LRMDA: variants seen among roughly 807,000 people sequenced by gnomAD.
The protein encoded by LRMDA is leucine-rich melanocyte differentiation-associated protein.
Under a neutral mutation model 29.8 loss-of-function variants are expected in LRMDA, and 18 were observed. The observed-to-expected ratio is 0.60, with a 90% CI of 0.42 to 0.90. The LOEUF (loss-of-function observed/expected upper bound fraction) is 0.90, where lower values mean the gene tolerates loss of function less well. Among genes scored for constraint, LRMDA ranks in the 40% least tolerant of loss-of-function variants. The pLI is 0.00. For synonymous variants in LRMDA, 125 were observed against 109.4 expected, an observed-to-expected ratio of 1.14 and a Z score of -0.89; for missense variants, 273 against 273.9, an observed-to-expected ratio of 1.00 and a Z score of 0.02.
chr10:75,847,289 A>C (rs1466845954), intron 2 of LRMDA, among the ~76,000 whole-genome samples: 2 of 152,204 alleles, frequency 1.3e-5, no homozygotes, highest in Non-Finnish European at 2.9e-5. Flanking sequence ...ATGTTGGCAA[A>C]AGTGGATAAC....
chr10:75,611,890 T>C (rs1841036886), intron 2 of LRMDA, among the ~76,000 whole-genome samples: 1 of 152,158 alleles, frequency 6.6e-6, no homozygotes. Context: ...CAAAAGGAGA[T>C]TTCCTCTTGC....
chr10:76,321,693 C>T (rs574571888), intron 5 of LRMDA, among the ~76,000 whole-genome samples: 1 of 152,126 alleles, frequency 6.6e-6, no homozygotes, highest in South Asian at 2.1e-4. Flanking sequence ...GCCTGTAATC[C>T]CAGCCCTTTT....
intron 2 of LRMDA, among the ~76,000 whole-genome samples, chr10:75,603,701 C>A (rs1840917242): frequency 1.3e-5 from 2 of 152,116 alleles, no homozygotes; most frequent in African/African-American, 4.8e-5. Flanking sequence ...ATTCTTGGGG[C>A]TCTAGATAAA....
intron 2 of LRMDA, among the ~76,000 whole-genome samples, chr10:75,543,682 T>A (rs1343055438): frequency 1.3e-5 from 2 of 152,238 alleles, no homozygotes; most frequent in Non-Finnish European, 2.9e-5. Context: ...TTCATGTTTT[T>A]TAAATTCTCC....
chr10:75,675,821 A>G (rs1048450287), intron 2 of LRMDA, among the ~76,000 whole-genome samples: 4 of 152,074 alleles, frequency 2.6e-5, no homozygotes, highest in Non-Finnish European at 5.9e-5. Context: ...ATTTTGTATA[A>G]GCCTCCTTGG....
At chr10:75,458,343 G>T (rs78165813) in intron 2 of LRMDA, among the ~76,000 whole-genome samples, 10,651 of 152,134 alleles carry the variant, frequency 0.07, 484 homozygotes, top group Middle Eastern at 0.12. Context: ...CTCTGTGGGG[G>T]GTCTACTTCC....
chr10:76,232,658 C>T (rs114377400), intron 5 of LRMDA, among the ~76,000 whole-genome samples: 1,588 of 152,278 alleles, frequency 0.01, 27 homozygotes, highest in African/African-American at 0.032. Context: ...CTGTAGGAGA[C>T]GGCCTAAGTC....
chr10:76,422,190 G>C (rs1248230518), intron 6 of LRMDA, among the ~76,000 whole-genome samples: 3 of 151,916 alleles, frequency 2.0e-5, no homozygotes, highest in Non-Finnish European at 2.9e-5. Context: ...CAGCTACTCA[G>C]CCTCTTCATT....
At chr10:76,052,476 G>A (rs994120733) in intron 4 of LRMDA, among the ~76,000 whole-genome samples, 3 of 152,158 alleles carry the variant, frequency 2.0e-5, no homozygotes, top group Admixed American at 1.3e-4. Context: ...GTTACAGGCA[G>A]GGGGAAAGAA....
intron 2 of LRMDA, among the ~76,000 whole-genome samples, chr10:75,554,866 T>C (rs1256584855): frequency 1.3e-5 from 2 of 152,364 alleles, no homozygotes; most frequent in East Asian, 1.9e-4. Flanking sequence ...AAATGAAGTA[T>C]GTAATGTGTC....
chr10:75,830,248 CA>C (rs1485589527), intron 2 of LRMDA, among the ~76,000 whole-genome samples: 1 of 152,162 alleles, frequency 6.6e-6, no homozygotes, highest in Non-Finnish European at 1.5e-5. Flanking sequence ...GGTCATTTCG[CA>C]TTATTCTGCT....
chr10:76,459,759 T>C (rs1842493349), intron 6 of LRMDA, among the ~76,000 whole-genome samples: 2 of 152,196 alleles, frequency 1.3e-5, no homozygotes, highest in Non-Finnish European at 2.9e-5. Context: ...ATTTTCCTTT[T>C]GGGCTTTTGT....
At chr10:75,577,648 G>T (rs926893431) in intron 2 of LRMDA, among the ~76,000 whole-genome samples, 3 of 152,274 alleles carry the variant, frequency 2.0e-5, no homozygotes, top group South Asian at 4.2e-4. Flanking sequence ...GAAAGGTCGG[G>T]TTACCCACAA....
intron 6 of LRMDA, among the ~76,000 whole-genome samples, chr10:76,488,508 T>A (rs901883989): frequency 1.3e-5 from 2 of 151,918 alleles, no homozygotes; most frequent in Admixed American, 1.3e-4. Flanking sequence ...TTAAAAATAT[T>A]ATTGCTGACA....
chr10:76,314,298 C>T (rs2132382801), intron 5 of LRMDA, among the ~76,000 whole-genome samples: 1 of 152,292 alleles, frequency 6.6e-6, no homozygotes, highest in Non-Finnish European at 1.5e-5. Flanking sequence ...TCTCCAACTC[C>T]TGGGCTCAAG....
intron 5 of LRMDA, among the ~76,000 whole-genome samples, chr10:76,210,851 C>T (rs748245151): frequency 7.9e-5 from 12 of 152,234 alleles, no homozygotes; most frequent in South Asian, 2.1e-4. Context: ...GACTCCACTG[C>T]GTATGTGTGT....
At chr10:76,014,150 A>ATATATATATAAT (rs1554840738) in intron 2 of LRMDA, among the ~76,000 whole-genome samples, 2 of 142,058 alleles carry the variant, frequency 1.4e-5, no homozygotes, top group Non-Finnish European at 3.0e-5. Context: ...ATATAATTAT[A>ATATATATATAAT]TATATATATA....
At chr10:75,795,663 G>A (rs1173290165) in intron 2 of LRMDA, among the ~76,000 whole-genome samples, 1 of 152,088 alleles carries the variant, frequency 6.6e-6, no homozygotes, top group Non-Finnish European at 1.5e-5. Flanking sequence ...TTAAATTAAG[G>A]AGTATGAGTC....
At chr10:75,708,210 T>C (rs1297734301) in intron 2 of LRMDA, among the ~76,000 whole-genome samples, 1 of 152,232 alleles carries the variant, frequency 6.6e-6, no homozygotes, top group Non-Finnish European at 1.5e-5. Context: ...CTGCTGCCAC[T>C]AGCAGGGCGT....
Sources: gnomAD v4.1 joint callset for allele counts (sites outside exome capture counted in the v4.1 genomes callset) on GRCh38, gnomAD v4.1.1 for gene constraint, MANE v1.5 for transcripts, NCBI Gene and HGNC (gene_info 2026-07-23, HGNC 2026-07-21) for gene names.